Variants in THSD7B observed in about 807,000 individuals in gnomAD.
THSD7B encodes the protein thrombospondin type-1 domain-containing protein 7B.
THSD7B carries 138 observed loss-of-function variants against 213.6 expected under a neutral mutation model. That is an observed-to-expected ratio of 0.65 (90% CI 0.56 to 0.74). The LOEUF is 0.74. THSD7B is among the 30% of genes least tolerant of loss of function. The probability of loss-of-function intolerance (pLI) is 0.00; values close to 1 mark genes in which losing one functional copy is unlikely to be tolerated. For missense variants in THSD7B, 1,931 were observed against 1,991.5 expected, an observed-to-expected ratio of 0.97 and a Z score of 0.58; for synonymous variants, 742 against 687.0, an observed-to-expected ratio of 1.08 and a Z score of -1.25.
chr2:136,814,795 C>T (rs1682444234), intron 1 of THSD7B, among the ~76,000 whole-genome samples: 1 of 152,098 alleles, frequency 6.6e-6, no homozygotes, highest in South Asian at 2.1e-4. Flanking sequence ...TATAAAATTG[C>T]CAACCCTAGT....
At chr2:137,090,439 G>A (rs910336992) in intron 3 of THSD7B, among the ~76,000 whole-genome samples, 5 of 152,130 alleles carry the variant, frequency 3.3e-5, no homozygotes, top group African/African-American at 1.2e-4. Flanking sequence ...TAAATGGAAT[G>A]CTAATGAATT....
chr2:136,877,860 C>A (rs1393623506), intron 1 of THSD7B, among the ~76,000 whole-genome samples: 1 of 151,876 alleles, frequency 6.6e-6, no homozygotes, highest in Non-Finnish European at 1.5e-5. Flanking sequence ...AAACTGTGGG[C>A]AGGGTGGTAT....
At chr2:137,011,254 C>T (rs992935505) in intron 2 of THSD7B, among the ~76,000 whole-genome samples, 1 of 152,182 alleles carries the variant, frequency 6.6e-6, no homozygotes, top group Non-Finnish European at 1.5e-5. Flanking sequence ...GGAAGTTTTA[C>T]CCCTAAAGCT....
At chr2:137,017,249 G>T (rs1271674578) in intron 2 of THSD7B, among the ~76,000 whole-genome samples, 1 of 151,470 alleles carries the variant, frequency 6.6e-6, no homozygotes, top group Non-Finnish European at 1.5e-5. Flanking sequence ...ATAGGTAGCT[G>T]AGGCGAAACT....
chr2:136,906,939 T>TTTTG (rs1684173245), intron 2 of THSD7B, among the ~76,000 whole-genome samples: 1 of 47,742 alleles, frequency 2.1e-5, no homozygotes, highest in Non-Finnish European at 3.7e-5. Flanking sequence ...TTTCAAGGTT[T>TTTTG]TTTTTTTTTT....
intron 18 of THSD7B, among the ~76,000 whole-genome samples, 183 bp downstream of exon 18, chr2:137,616,499 T>C (rs952326503): frequency 6.6e-6 from 1 of 152,156 alleles, no homozygotes; most frequent in East Asian, 1.9e-4. Context: ...ACTCTTGGCA[T>C]GTAGAATCAG....
intron 2 of THSD7B, among the ~76,000 whole-genome samples, chr2:136,942,828 T>C (rs1301369968): frequency 6.6e-6 from 1 of 152,212 alleles, no homozygotes; most frequent in Non-Finnish European, 1.5e-5. Flanking sequence ...TTTTCCTAAT[T>C]GAATACCATT....
At chr2:136,975,524 T>C (rs1049354492) in intron 2 of THSD7B, among the ~76,000 whole-genome samples, 1 of 152,196 alleles carries the variant, frequency 6.6e-6, no homozygotes, top group Admixed American at 6.5e-5. Flanking sequence ...TTGAGGTCTC[T>C]ATTCTGTTCC....
Position 137,231,039 on chromosome 2 carries a change from T to C in THSD7B, c.1724-5T>C. 1.2e-6 allele frequency: 2 copies of C among 1,612,272 alleles called. No homozygotes were observed. Among genetic ancestry groups the C allele is most frequent in the Non-Finnish European group, 1.7e-6 (2 of 1,179,336 alleles). ...CACCAACTGTCTTGATCTTGTTGAT[T>C]GTAGGAGAAGATGTATCAGGGAGTC... On this transcript the variant is annotated splice_polypyrimidine_tract_variant and splice_region_variant and intron_variant, in intron 7 of 27. Transcript: ENST00000409968.
At chr2:137,038,129 G>C (rs1195092734) in intron 2 of THSD7B, among the ~76,000 whole-genome samples, 1 of 152,142 alleles carries the variant, frequency 6.6e-6, no homozygotes, top group African/African-American at 2.4e-5. Flanking sequence ...GCCTATGGTG[G>C]TAGTTATCAC....
intron 14 of THSD7B, among the ~76,000 whole-genome samples, chr2:137,426,348 C>A (rs1333999550): frequency 6.6e-6 from 1 of 151,964 alleles, no homozygotes; most frequent in African/African-American, 2.4e-5. Flanking sequence ...TCATATGGAA[C>A]CACAAAAGAC....
intron 17 of THSD7B, among the ~76,000 whole-genome samples, chr2:137,584,817 T>C (rs970479478): frequency 2.6e-5 from 4 of 152,118 alleles, no homozygotes; most frequent in Admixed American, 2.0e-4. Flanking sequence ...TGTGTCTCTG[T>C]CAGGCTTTGG....
chr2:137,378,468 C>T (rs918487014), intron 12 of THSD7B, among the ~76,000 whole-genome samples: 3 of 152,126 alleles, frequency 2.0e-5, no homozygotes, highest in Non-Finnish European at 2.9e-5. Flanking sequence ...CCTTAACAAG[C>T]AAGCTACTTT....
intron 20 of THSD7B, among the ~76,000 whole-genome samples, chr2:137,627,911 A>G (rs1682662263): frequency 6.6e-6 from 1 of 152,254 alleles, no homozygotes; most frequent in South Asian, 2.1e-4. Flanking sequence ...GCAGTCAGGC[A>G]TGGTTTCCAC....
rs544976136 is a variant in THSD7B, at chr2:137,315,571, A to C, written c.2500+39545A>C. ...ATATAATTTTAAAACGTTTTTCAGT[A>C]GCGTCTCTATCAACTTTTTTTTTTC... On this transcript the variant is annotated intron_variant, in intron 12 of 27. Coordinates refer to ENST00000409968, the MANE Select transcript of THSD7B (RefSeq NM_001316349.2). 1.8e-3 allele frequency among the ~76,000 whole-genome samples: 275 copies of C among 152,104 alleles called. 1 individual carries two copies. The highest frequency in any genetic ancestry group is 6.4e-3 in the African/African-American group (267 of 41,490).
chr2:136,931,980 G>A (rs1684639877), intron 2 of THSD7B, among the ~76,000 whole-genome samples: 1 of 152,130 alleles, frequency 6.6e-6, no homozygotes, highest in Non-Finnish European at 1.5e-5. Flanking sequence ...AGATTTACTG[G>A]ACCTAACATT....
chr2:137,567,765 TAA>T (rs1302900805), intron 16 of THSD7B, among the ~76,000 whole-genome samples: 4 of 152,142 alleles, frequency 2.6e-5, no homozygotes, highest in Admixed American at 6.6e-5. Flanking sequence ...AGGTTTGAGA[TAA>T]AAATCAAAAT....
intron 15 of THSD7B, among the ~76,000 whole-genome samples, chr2:137,541,702 A>G (rs10928617): frequency 0.037 from 5,692 of 151,856 alleles, 173 homozygotes; most frequent in Admixed American, 0.083. Context: ...AAAGAAAACC[A>G]TATCTAAAGA....
At chr2:136,881,533 T>C (rs974274630) in intron 1 of THSD7B, among the ~76,000 whole-genome samples, 5 of 152,162 alleles carry the variant, frequency 3.3e-5, no homozygotes, top group African/African-American at 9.6e-5. Context: ...ACCATCATAA[T>C]AAACGTTCTA....
Sources: allele counts gnomAD v4.1 joint callset (sites outside exome capture counted in the v4.1 genomes callset), GRCh38; gene constraint gnomAD v4.1.1; transcripts MANE v1.5; gene names NCBI Gene and HGNC (gene_info 2026-07-23, HGNC 2026-07-21).